The following CLVS1 variants were observed in gnomAD, a reference collection of about 807,000 sequenced individuals.
The protein encoded by CLVS1 is clavesin 1, also known as clavesin-1.
Under a neutral mutation model 33.1 loss-of-function variants are expected in CLVS1, and 10 were observed. The ratio of observed to expected loss-of-function variants is 0.30; its 90% CI spans 0.19 to 0.51. The LOEUF is 0.51. Among genes scored for constraint, CLVS1 ranks in the 20% least tolerant of loss-of-function variants. CLVS1 has a pLI of 0.97. For missense variants in CLVS1, 343 were observed against 433.4 expected, an observed-to-expected ratio of 0.79 and a Z score of 1.85; for synonymous variants, 163 against 166.1, an observed-to-expected ratio of 0.98 and a Z score of 0.14.
chr8:61,470,245 A>G (rs895344646), intron 5 of CLVS1, among the ~76,000 whole-genome samples: 1 of 152,232 alleles, frequency 6.6e-6, no homozygotes, highest in Admixed American at 6.5e-5. Flanking sequence ...GAAAATCTAT[A>G]TAATGAATTT....
rs79680654 is a variant in CLVS1, at chr8:61,206,216, G to T, written c.-152+74356G>T. ...CTCAGATGTTGTCTTTCTTAAAACT[G>T]GTTATCTTTGTTAAAACCCTAACCC... On this transcript the variant is annotated intron_variant, in intron 2 of 2. Coordinates refer to the CLVS1 transcript ENST00000522621. Among the ~76,000 whole-genome samples the T allele has an allele frequency of 5.5e-3, 831 of 152,212 alleles. 10 individuals carry two copies. The highest frequency in any genetic ancestry group is 0.019 in the African/African-American group (781 of 41,534).
chr8:61,441,417 G>A (rs1585978962), intron 3 of CLVS1, among the ~76,000 whole-genome samples: 2 of 152,136 alleles, frequency 1.3e-5, no homozygotes, highest in East Asian at 3.9e-4. Flanking sequence ...TAGATGGAGG[G>A]AGTTCGTTGT....
chr8:61,202,195 A>C (rs1193939444), intron 2 of CLVS1, among the ~76,000 whole-genome samples: 1 of 152,332 alleles, frequency 6.6e-6, no homozygotes, highest in East Asian at 1.9e-4. Context: ...AAGTTGTAGG[A>C]GCTAAGAACA....
chr8:61,097,251 C>A (rs1363770480), intron 1 of CLVS1, among the ~76,000 whole-genome samples: 1 of 151,360 alleles, frequency 6.6e-6, no homozygotes, highest in Non-Finnish European at 1.5e-5. Flanking sequence ...GAGATCGCAC[C>A]ACTGCTCTCC....
chr8:61,133,975 T>C (rs1806146295), intron 2 of CLVS1, among the ~76,000 whole-genome samples: 1 of 151,868 alleles, frequency 6.6e-6, no homozygotes, highest in Non-Finnish European at 1.5e-5. Context: ...AGTGGTTGGG[T>C]ATGAGAGGTT....
At chr8:60,994,068 C>A in the CLVS1 span, among the ~76,000 whole-genome samples, 2 of 152,272 alleles carry the variant, frequency 1.3e-5, no homozygotes, top group African/African-American at 4.8e-5. Flanking sequence ...GCTTAAACAG[C>A]AGAAATGTGT....
intron 5 of CLVS1, among the ~76,000 whole-genome samples, chr8:61,478,254 G>C (rs1449359262): frequency 9.9e-5 from 15 of 152,172 alleles, no homozygotes; most frequent in Admixed American, 9.2e-4. Flanking sequence ...GTCAATTTTG[G>C]AATAGGTGTG....
At chr8:61,203,818 A>G (rs1210385680) in intron 2 of CLVS1, among the ~76,000 whole-genome samples, 1 of 152,194 alleles carries the variant, frequency 6.6e-6, no homozygotes, top group Non-Finnish European at 1.5e-5. Context: ...AGCATCTCAT[A>G]TGAGAAGTTT....
At chr8:61,030,370 G>C in the CLVS1 span, among the ~76,000 whole-genome samples, 1 of 152,172 alleles carries the variant, frequency 6.6e-6, no homozygotes, top group African/African-American at 2.4e-5. Context: ...AACAAATCTA[G>C]AATCGATGAA....
chr8:61,494,388 C>A (rs1041821173), intron 5 of CLVS1, among the ~76,000 whole-genome samples: 1 of 152,088 alleles, frequency 6.6e-6, no homozygotes, highest in Non-Finnish European at 1.5e-5. Context: ...CCTACTACAC[C>A]ACTGAGATAA....
chr8:61,076,905 G>T (rs185984885), intron 1 of CLVS1, among the ~76,000 whole-genome samples: 25 of 152,240 alleles, frequency 1.6e-4, no homozygotes, highest in African/African-American at 5.8e-4. Flanking sequence ...TTTCCTCCCT[G>T]CAAGTCCCCG....
At chr8:61,093,900 A>C (rs1169350039) in intron 1 of CLVS1, among the ~76,000 whole-genome samples, 1 of 152,250 alleles carries the variant, frequency 6.6e-6, no homozygotes, top group East Asian at 1.9e-4. Context: ...AAGCAGGGAC[A>C]GACAGGCCAG....
At chr8:61,211,426 TCTC>T (rs971230895) in intron 2 of CLVS1, among the ~76,000 whole-genome samples, 4 of 148,728 alleles carry the variant, frequency 2.7e-5, no homozygotes, top group Non-Finnish European at 4.5e-5. Context: ...TACTCTTCCT[TCTC>T]CTCCTGTTCT....
chr8:61,435,625 TAAAAA>T (rs35113828), intron 3 of CLVS1, among the ~76,000 whole-genome samples: 4 of 135,038 alleles, frequency 3.0e-5, no homozygotes, highest in African/African-American at 1.1e-4. Context: ...ATTGTGATAG[TAAAAA>T]AAAAAAAAAA....
intron 2 of CLVS1, among the ~76,000 whole-genome samples, chr8:61,171,351 AT>A (rs572613750): frequency 6.6e-5 from 10 of 152,092 alleles, no homozygotes; most frequent in South Asian, 4.2e-4. Flanking sequence ...ATTTAAGTGG[AT>A]TTTTTTTCTT....
intron 1 of CLVS1, among the ~76,000 whole-genome samples, chr8:61,115,746 T>G (rs994780458): frequency 4.7e-5 from 7 of 148,746 alleles, no homozygotes; most frequent in Admixed American, 2.7e-4. Flanking sequence ...GGTGTATATG[T>G]GCCACATTTT....
At chr8:61,433,128 A>AT (rs1816178483) in intron 3 of CLVS1, among the ~76,000 whole-genome samples, 1 of 152,120 alleles carries the variant, frequency 6.6e-6, no homozygotes, top group African/African-American at 2.4e-5. Context: ...TAACTTTTGT[A>AT]TTTTTTGTAG....
At chr8:61,160,504 G>T (rs907160770) in intron 2 of CLVS1, among the ~76,000 whole-genome samples, 2 of 152,146 alleles carry the variant, frequency 1.3e-5, no homozygotes, top group African/African-American at 2.4e-5. Flanking sequence ...GAAGGAAAAT[G>T]GAAAAAGGAG....
At chr8:61,292,417 T>C (rs1054834987) in intron 1 of CLVS1, 1 of 455,992 alleles carries the variant, frequency 2.2e-6, no homozygotes, top group Non-Finnish European at 4.4e-6. Flanking sequence ...AAACAATTAG[T>C]GGAAAAGGGG....
Sources: gnomAD v4.1 joint callset for allele counts (sites outside exome capture counted in the v4.1 genomes callset) on GRCh38, gnomAD v4.1.1 for gene constraint, MANE v1.5 for transcripts, NCBI Gene and HGNC (gene_info 2026-07-23, HGNC 2026-07-21) for gene names.